The following CCDC88C variants were observed in gnomAD, a reference collection of about 807,000 sequenced individuals.
CCDC88C encodes protein Daple.
CCDC88C carries 131 observed loss-of-function variants against 198.8 expected under a neutral mutation model. That is an observed-to-expected ratio of 0.66 (90% CI 0.57 to 0.76). The LOEUF is 0.76. CCDC88C is among the 30% of genes least tolerant of loss of function. CCDC88C has a pLI of 0.00. For missense variants in CCDC88C, 2,553 were observed against 2,631.6 expected, an observed-to-expected ratio of 0.97 and a Z score of 0.65; for synonymous variants, 1,166 against 1,114.7, an observed-to-expected ratio of 1.05 and a Z score of -0.92.
intron 3 of CCDC88C, among the ~76,000 whole-genome samples, chr14:91,386,474 T>C (rs982596008): frequency 4.6e-5 from 7 of 151,684 alleles, no homozygotes; most frequent in East Asian, 3.9e-4. Flanking sequence ...AATAAATAAA[T>C]AAACAAATAA....
intron 12 of CCDC88C, 84 bp downstream of exon 12, chr14:91,324,695 G>A: frequency 6.7e-7 from 1 of 1,497,338 alleles, no homozygotes; most frequent in Non-Finnish European, 9.1e-7. Context: ...GGCTAACATG[G>A]CAGATTCAGA....
chr14:91,417,718 CCCCCCGCCCCGCGTCCCCGTT>C lies in CCDC88C; in HGVS notation c.-49_-29del, dbSNP rs765899262. The C allele has an allele frequency of 4.1e-5, 60 of 1,479,592 alleles. No individual in the cohort carries two copies. The highest frequency in any genetic ancestry group is 5.4e-5 in the Non-Finnish European group (60 of 1,115,502). 91.7% of individuals were successfully genotyped at this position (1,479,592 alleles called of 1,614,324 possible). A position where few individuals can be genotyped will look rare whatever the true frequency, so the allele number is the denominator to read the frequency against. On this transcript the variant is annotated 5_prime_UTR_variant, in exon 1 of 30. Coordinates refer to ENST00000389857, the MANE Select transcript of CCDC88C (RefSeq NM_001080414.4). ...TGAGGCTGCGCCCGCCGGCTCCGCG[CCCCCCGCCCCGCGTCCCCGTT>C]CCCCCGCGCCGCGGCACAAAACGGC... is the stretch of plus-strand genomic sequence containing the variant.
In CCDC88C at chr14:91,293,829, T is replaced by A. The variant is rs538728568; in HGVS notation, c.4112+344A>T. Among the ~76,000 whole-genome samples the A allele has an allele frequency of 2.6e-5, 4 of 152,312 alleles. No homozygotes were observed. In the East Asian group the frequency reaches 7.7e-4, roughly 29 times the overall value. ...CCATCCAGGGGGACACAGGCAGGTG[T>A]ACAGCACTCATTCCCAGCCTTCAGT... On this transcript the variant is annotated intron_variant, in intron 23 of 29. Coordinates refer to ENST00000389857, the MANE Select transcript of CCDC88C (RefSeq NM_001080414.4).
intron 3 of CCDC88C, among the ~76,000 whole-genome samples, chr14:91,362,140 A>G (rs1314642279): frequency 6.6e-6 from 1 of 152,004 alleles, no homozygotes; most frequent in Non-Finnish European, 1.5e-5. Context: ...AGGCTGAGGC[A>G]GGAGAATTGC....
At chr14:91,335,388 G>C (rs1283675143) in intron 10 of CCDC88C, among the ~76,000 whole-genome samples, 2 of 152,056 alleles carry the variant, frequency 1.3e-5, no homozygotes, top group South Asian at 2.1e-4. Flanking sequence ...AGACACACCA[G>C]GACCTTGTGG....
intron 15 of CCDC88C, among the ~76,000 whole-genome samples, chr14:91,310,629 T>TG (rs1891777220): frequency 1.3e-5 from 2 of 152,292 alleles, no homozygotes; most frequent in South Asian, 2.1e-4. Context: ...AGGTTGGTCT[T>TG]GAACTCCTGG....
chr14:91,332,211 G>A (rs1047375663), intron 10 of CCDC88C, among the ~76,000 whole-genome samples: 2 of 152,128 alleles, frequency 1.3e-5, no homozygotes, highest in African/African-American at 4.8e-5. Flanking sequence ...TAAAATACGG[G>A]GAAAGAGAAC....
intron 3 of CCDC88C, among the ~76,000 whole-genome samples, chr14:91,405,092 A>C (rs1018115301): frequency 6.6e-6 from 1 of 152,118 alleles, no homozygotes; most frequent in South Asian, 2.1e-4. Context: ...TCTCAGCCAC[A>C]CTGGTTTCCA....
In CCDC88C at chr14:91,297,420, G is replaced by C. The variant is rs1457642428; in HGVS notation, c.3851C>G (p.Thr1284Ser). 1.2e-6 allele frequency: 2 copies of C among 1,608,552 alleles called. No homozygotes were observed. Among genetic ancestry groups the C allele is most frequent in the Admixed American group, 3.4e-5 (2 of 59,314 alleles). Reference sequence around the variant, plus strand: ...CTCCAGCTGCGCGTTGTTCAGTGAGGTTTTCAGCTCCTTGGTGTGGGCGTG... The same window carrying C: ...CTCCAGCTGCGCGTTGTTCAGTGAGCTTTTCAGCTCCTTGGTGTGGGCGTG... ...ELHAHTKELK[T>S]SLNNAQLELN... The change falls in exon 22 of 30, where the codon ACC becomes AGC. Residue 1284 changes from threonine (T) to serine (S), a missense_variant. Thr to Ser is a moderately conservative substitution (Grantham distance 58). This residue lies in a region of CCDC88C where 1,293 missense variants were observed against 1,219.6 expected (regional missense o/e 1.06). Transcript: ENST00000389857.
At chr14:91,370,728 G>A (rs970260712) in intron 3 of CCDC88C, among the ~76,000 whole-genome samples, 10 of 152,188 alleles carry the variant, frequency 6.6e-5, no homozygotes, top group African/African-American at 1.2e-4. Context: ...GATGGTGGGG[G>A]AGGGGAAGGC....
Position 91,303,959 on chromosome 14 carries a change from C to T in CCDC88C, c.3377G>A (p.Ser1126Asn). The T allele has an allele frequency of 1.2e-6, 2 of 1,604,984 alleles. No homozygotes were observed. The highest frequency in any genetic ancestry group is 1.3e-5 in the African/African-American group (1 of 75,022). ...AKLQVENSTL[S>N]SQSAALTAQY... is the part of the protein sequence containing the mutation. ...CGCGGTGAGCGCTGCGCTCTGGGAA[C>T]TCAGCGTGGAGTTCTCCACCTGCCG... Residue 1126 changes from serine (S) to asparagine (N), a missense_variant, in exon 20 of 30, where the codon AGT becomes AAT. This residue lies in a region of CCDC88C where 1,293 missense variants were observed against 1,219.6 expected (regional missense o/e 1.06). Coordinates refer to ENST00000389857, the MANE Select transcript of CCDC88C (RefSeq NM_001080414.4).
intron 3 of CCDC88C, among the ~76,000 whole-genome samples, chr14:91,368,555 C>G (rs1894643987): frequency 6.6e-6 from 1 of 152,182 alleles, no homozygotes; most frequent in African/African-American, 2.4e-5. Flanking sequence ...TGACTTCAGA[C>G]AGGAAAGGCC....
chr14:91,351,823 A>G (rs1433697763), intron 4 of CCDC88C, among the ~76,000 whole-genome samples: 1 of 151,954 alleles, frequency 6.6e-6, no homozygotes, highest in East Asian at 1.9e-4. Context: ...CAGCACCACC[A>G]CGCACAACAG....
intron 3 of CCDC88C, among the ~76,000 whole-genome samples, chr14:91,405,532 T>C (rs1273024445): frequency 1.3e-5 from 2 of 152,188 alleles, no homozygotes; most frequent in African/African-American, 2.4e-5. Flanking sequence ...GTTTGTGCTA[T>C]AATGTTAGGT....
intron 24 of CCDC88C, among the ~76,000 whole-genome samples, chr14:91,290,764 A>G (rs78704118): frequency 0.015 from 2,234 of 152,304 alleles, 33 homozygotes; most frequent in Middle Eastern, 0.024. Context: ...AAAGGCTCAT[A>G]GCTAAATGAA....
intron 3 of CCDC88C, among the ~76,000 whole-genome samples, chr14:91,400,877 C>T (rs1471181730): frequency 6.6e-6 from 1 of 152,134 alleles, no homozygotes; most frequent in African/African-American, 2.4e-5. Context: ...TAGGAACTCC[C>T]TGCTAAGGAA....
intron 3 of CCDC88C, among the ~76,000 whole-genome samples, chr14:91,363,558 G>A (rs1025982844): frequency 2.0e-5 from 3 of 151,852 alleles, no homozygotes; most frequent in African/African-American, 4.8e-5. Context: ...TTTGTTGGAG[G>A]TATAATATGC....
chr14:91,388,016 C>A (rs1301738761), intron 3 of CCDC88C, among the ~76,000 whole-genome samples: 4 of 152,162 alleles, frequency 2.6e-5, no homozygotes, highest in African/African-American at 9.7e-5. Flanking sequence ...TAAGGGCTCC[C>A]CATTGGTTCT....
intron 3 of CCDC88C, among the ~76,000 whole-genome samples, chr14:91,390,817 C>T (rs1017234623): frequency 2.6e-5 from 4 of 152,186 alleles, no homozygotes; most frequent in Non-Finnish European, 5.9e-5. Context: ...CCTGGTCTCC[C>T]ATCACCTATC....
Sources: gnomAD v4.1 joint callset for allele counts (sites outside exome capture counted in the v4.1 genomes callset) on GRCh38, gnomAD v4.1.1 for gene constraint, gnomAD v4.1.1 regional missense constraint, MANE v1.5 for transcripts, NCBI Gene and HGNC (gene_info 2026-07-23, HGNC 2026-07-21) for gene names.